The following HSD17B14 variants were observed in gnomAD, a reference collection of about 807,000 sequenced individuals.
HSD17B14 encodes L-fucose dehydrogenase.
Under a neutral mutation model 32.2 loss-of-function variants are expected in HSD17B14, and 32 were observed. The ratio of observed to expected loss-of-function variants is 0.99; its 90% CI spans 0.75 to 1.33. HSD17B14 has a LOEUF of 1.33. Among genes scored for constraint, HSD17B14 ranks in the 40% most tolerant of loss-of-function variants. The pLI, the probability that HSD17B14 is intolerant of heterozygous loss-of-function variation, is 0.00. For missense variants in HSD17B14, 370 were observed against 366.5 expected (o/e 1.01, Z -0.08); for synonymous variants, 140 against 155.4 (o/e 0.90, Z 0.74).
chr19:48,834,213 C>G (rs907362195), intron 3 of HSD17B14, 63 bp downstream of exon 3: 2 of 1,356,766 alleles, frequency 1.5e-6, no homozygotes, highest in South Asian at 2.4e-5. Context: ...ATGCAAATGG[C>G]TGGAGGAGAA....
At chr19:48,816,400 C>T (rs556970102) in intron 5 of HSD17B14, among the ~76,000 whole-genome samples, 2 of 152,308 alleles carry the variant, frequency 1.3e-5, no homozygotes, top group South Asian at 2.1e-4. Flanking sequence ...ACACACCCTG[C>T]GTGTTCAAAC....
chr19:48,831,913 A>G (rs1043363086), intron 4 of HSD17B14, among the ~76,000 whole-genome samples, 154 bp from the exon 5 acceptor site: 4 of 151,084 alleles, frequency 2.6e-5, no homozygotes, highest in African/African-American at 9.7e-5. Flanking sequence ...CCCTGTCTCT[A>G]CGAAAAATAC....
intron 5 of HSD17B14, among the ~76,000 whole-genome samples, chr19:48,824,044 C>T (rs1404296485): frequency 6.9e-6 from 1 of 145,794 alleles, no homozygotes; most frequent in Non-Finnish European, 1.5e-5. Context: ...CACTTGAGGT[C>T]AAGAGTTCAA....
Position 48,813,075 on chromosome 19 carries a change from TG to T in HSD17B14, c.*99del. ...CAGGGTGACCCGGCACCTTGCTAACTGGGCTTAGAGTCTAAGGGCTTGGGGG... is the reference window on the plus strand; with the variant it reads ...CAGGGTGACCCGGCACCTTGCTAACTGGCTTAGAGTCTAAGGGCTTGGGGG... On this transcript the variant is annotated 3_prime_UTR_variant, in exon 9 of 9. Coordinates refer to ENST00000263278, the MANE Select transcript of HSD17B14 (RefSeq NM_016246.3). 2.8e-6 allele frequency: 2 copies of T among 709,812 alleles called. No homozygotes were observed. 44.0% of individuals were successfully genotyped at this position (709,812 alleles called of 1,614,324 possible). A position where few individuals can be genotyped will look rare whatever the true frequency, so the allele number is the denominator to read the frequency against.
In HSD17B14 at chr19:48,834,289, T is replaced by C. The variant is rs557754568; in HGVS notation, c.197A>G (p.Glu66Gly). The C allele has an allele frequency of 3.1e-6, 5 of 1,613,938 alleles. No homozygotes were observed. The African/African-American group carries it at 6.7e-5, about 22-fold the overall frequency. The change falls in exon 3 of 9, where the codon GAA becomes GGA. Residue 66 changes from glutamate (E) to glycine (G), a missense_variant. Coordinates refer to ENST00000263278, the MANE Select transcript of HSD17B14 (RefSeq NM_016246.3). ...AVFILCDVTQ[E>G]DDVKTLVSET... ...AACTCGGCTTACCTTCACATCATCT[T>C]CCTGAGTCACATCACAGAGGATAAA...
chr19:48,831,585 A>G (rs1315105651), intron 5 of HSD17B14, 83 bp downstream of exon 5: 1 of 948,294 alleles, frequency 1.1e-6, no homozygotes, highest in Non-Finnish European at 1.7e-6. Flanking sequence ...AACGGAAAAC[A>G]TTTTGCTCTT....
chr19:48,822,713 G>A (rs1009389084), intron 5 of HSD17B14, among the ~76,000 whole-genome samples: 1 of 151,956 alleles, frequency 6.6e-6, no homozygotes, highest in East Asian at 1.9e-4. Flanking sequence ...TGCTGTCATT[G>A]ATGGTGATGC....
At chr19:48,821,013 A>AT (rs550582834) in intron 5 of HSD17B14, among the ~76,000 whole-genome samples, 21,666 of 123,752 alleles carry the variant, frequency 0.18, 2,159 homozygotes, top group Non-Finnish European at 0.21. Flanking sequence ...GGATGGATAG[A>AT]TTTTTTTTTT....
chr19:48,825,532 A>G (rs2035229665), intron 5 of HSD17B14, among the ~76,000 whole-genome samples: 1 of 151,948 alleles, frequency 6.6e-6, no homozygotes, highest in Non-Finnish European at 1.5e-5. Context: ...GCTGGTCTTG[A>G]GCTCCTGAGC....
At chr19:48,816,728 T>C (rs973953089) in intron 5 of HSD17B14, among the ~76,000 whole-genome samples, 3 of 151,986 alleles carry the variant, frequency 2.0e-5, no homozygotes, top group Non-Finnish European at 4.4e-5. Context: ...GGAGGGAGGA[T>C]TGCTTGAACC....
chr19:48,827,608 G>A (rs2035272267), intron 5 of HSD17B14, among the ~76,000 whole-genome samples: 1 of 151,862 alleles, frequency 6.6e-6, no homozygotes, highest in South Asian at 2.1e-4. Context: ...TGCAATCTCA[G>A]CTCACTGCAA....
chr19:48,814,990 C>A (rs754738235), intron 6 of HSD17B14, 47 bp downstream of exon 6: 10 of 1,462,694 alleles, frequency 6.8e-6, no homozygotes, highest in Admixed American at 6.7e-5. Flanking sequence ...AAGCCAAGGC[C>A]CATGGGAAGG....
At chr19:48,833,085 C>T (rs1332393132) in intron 3 of HSD17B14, among the ~76,000 whole-genome samples, 1 of 151,480 alleles carries the variant, frequency 6.6e-6, no homozygotes, top group African/African-American at 2.4e-5. Context: ...GATGGGGTGT[C>T]CAGCCATAAA....
At chr19:48,835,327 G>A (rs2035465360) in intron 2 of HSD17B14, among the ~76,000 whole-genome samples, 3 of 112,336 alleles carry the variant, frequency 2.7e-5, no homozygotes, top group South Asian at 3.8e-4. Context: ...GTCTGAGGGA[G>A]GAGGGGCTGG....
At chr19:48,826,947 A>G (rs2035260849) in intron 5 of HSD17B14, among the ~76,000 whole-genome samples, 1 of 151,798 alleles carries the variant, frequency 6.6e-6, no homozygotes, top group African/African-American at 2.4e-5. Flanking sequence ...TTCATGTTCA[A>G]CAGCGCCCCC....
chr19:48,817,684 A>G (rs1045899180), intron 5 of HSD17B14, among the ~76,000 whole-genome samples: 6 of 152,206 alleles, frequency 3.9e-5, no homozygotes, highest in Admixed American at 2.6e-4. Flanking sequence ...CTTCCCCAGC[A>G]CTAAAGGTGC....
At chr19:48,816,783 C>CTTTCTTTCTTTCTTTCTTTCTTTCTT (rs955679675) in intron 5 of HSD17B14, among the ~76,000 whole-genome samples, 1 of 98,410 alleles carries the variant, frequency 1.0e-5, no homozygotes, top group Non-Finnish European at 2.0e-5. Flanking sequence ...GACCCTTTTT[C>CTTTCTTTCTTTCTTTCTTTCTTTCTT]TTTCTTTCTT....
At chr19:48,825,680 G>A (rs2035231358) in intron 5 of HSD17B14, among the ~76,000 whole-genome samples, 1 of 152,108 alleles carries the variant, frequency 6.6e-6, no homozygotes, top group Non-Finnish European at 1.5e-5. Context: ...CCATTTCACA[G>A]GTGAGAAAAC....
chr19:48,817,765 G>T (rs986020751), intron 5 of HSD17B14, among the ~76,000 whole-genome samples: 8 of 152,174 alleles, frequency 5.3e-5, no homozygotes, highest in Non-Finnish European at 1.2e-4. Context: ...ATGAATGGAG[G>T]ACCTGGTATG....
Sources: gnomAD v4.1 joint callset for allele counts (sites outside exome capture counted in the v4.1 genomes callset) on GRCh38, gnomAD v4.1.1 for gene constraint, MANE v1.5 for transcripts, NCBI Gene and HGNC (gene_info 2026-07-23, HGNC 2026-07-21) for gene names.